LDLRAD2: variants seen among roughly 807,000 people sequenced by gnomAD.
LDLRAD2 encodes the protein low-density lipoprotein receptor class A domain-containing protein 2.
LDLRAD2 carries 25 observed loss-of-function variants against 24.9 expected under a neutral mutation model. That is an observed-to-expected ratio of 1.00 (90% CI 0.73 to 1.40). The LOEUF is 1.40. Ranked by LOEUF, LDLRAD2 falls within the 40% of genes most tolerant of loss-of-function variation. LDLRAD2 has a pLI of 0.00. For synonymous variants in LDLRAD2, 182 were observed against 166.7 expected (o/e 1.09, Z -0.71); for missense variants, 391 against 366.2 (o/e 1.07, Z -0.55).
rs148280509 is a variant in LDLRAD2 at position 21,815,980 on chromosome 1, G to T, written c.549G>T (p.Arg183Ser). 5 of 1,613,982 alleles carry T rather than the reference G, an allele frequency of 3.1e-6. No homozygotes were observed. The highest frequency in any genetic ancestry group is 4.2e-6 in the Non-Finnish European group (5 of 1,180,006). The change falls in exon 3 of 5, where the codon AGG becomes AGT. Residue 183 changes from arginine to serine, a missense_variant. Arg to Ser is a moderately radical substitution (Grantham distance 110). Coordinates refer to ENST00000344642, the MANE Select transcript of LDLRAD2 (RefSeq NM_001013693.3). ...CCTACTTCCGCTGCCAGAATGGCAGGTGCATCCCCTCAAGCCTCGTGTGTG... is the reference window on the plus strand; with the variant it reads ...CCTACTTCCGCTGCCAGAATGGCAGTTGCATCCCCTCAAGCCTCGTGTGTG... The part of the protein sequence containing the change: ...CGAYFRCQNG[R>S]CIPSSLVCDP...
At position 21,823,993 on chromosome 1, in the gene LDLRAD2, T is replaced by A. The variant is rs1439684130; in HGVS notation, c.*1778T>A. 1.0e-6 allele frequency: 1 copy of A among 987,310 alleles called. No homozygotes were observed. Among genetic ancestry groups the A allele is most frequent in the Admixed American group, 2.0e-5 (1 of 49,960 alleles). The allele number at this position is 987,310 out of a possible 1,614,324, so 61.2% of individuals were successfully genotyped here. On this transcript the variant is annotated 3_prime_UTR_variant, in exon 5 of 5. Transcript: ENST00000344642. Reference sequence around the variant, plus strand: ...AGCCCGAGCCCTGGCTGGTGGGTTCTCCCCTCCCCTGGCTTCAAGTTCTGT... The same window carrying A: ...AGCCCGAGCCCTGGCTGGTGGGTTCACCCCTCCCCTGGCTTCAAGTTCTGT...
intron 1 of LDLRAD2, among the ~76,000 whole-genome samples, chr1:21,813,331 AC>A (rs2097940436): frequency 6.6e-6 from 1 of 151,876 alleles, no homozygotes; most frequent in Admixed American, 6.6e-5. Flanking sequence ...CAATTCCCTT[AC>A]TCTCTAAACT....
In LDLRAD2 at chr1:21,824,370, C is replaced by T. The variant is rs1383334331; in HGVS notation, c.*2155C>T. On this transcript the variant is annotated 3_prime_UTR_variant, in exon 5 of 5. Transcript: ENST00000344642. The surrounding 1 kb of genome is among the most constrained non-coding windows in gnomAD (Gnocchi z 5.9). ...AAGTCCTTGCCTTGGCCGGCCTCTCCCACCTCCTGCCAGGGAAGCACAGGG... is the reference window on the plus strand; with the variant it reads ...AAGTCCTTGCCTTGGCCGGCCTCTCTCACCTCCTGCCAGGGAAGCACAGGG... 3.7e-6 allele frequency: 6 copies of T among 1,613,752 alleles called. No individual in the cohort carries two copies. Among genetic ancestry groups the T allele is most frequent in the Non-Finnish European group, 4.2e-6 (5 of 1,180,016 alleles).
rs1003107763 is a variant in LDLRAD2, at chr1:21,824,287, G to A, written c.*2072G>A. The A allele has an allele frequency of 1.2e-6, 2 of 1,613,198 alleles. No individual in the cohort carries two copies. Among genetic ancestry groups the A allele is most frequent in the African/African-American group, 2.7e-5 (2 of 74,922 alleles). ...TGGGACCAGGGAAGGGAGAGGAAGG[G>A]CCAGGTGCCAGGACCTACCTGAAGA... On this transcript the variant is annotated 3_prime_UTR_variant, in exon 5 of 5. Transcript: ENST00000344642. The surrounding 1 kb of genome is among the most constrained non-coding windows in gnomAD (Gnocchi z 5.9).
intron 3 of LDLRAD2, among the ~76,000 whole-genome samples, chr1:21,820,177 T>C (rs1330659824): frequency 6.6e-6 from 1 of 152,258 alleles, no homozygotes; most frequent in Non-Finnish European, 1.5e-5. Flanking sequence ...ATATATTTAA[T>C]GCCACTGAAC....
In LDLRAD2 at chr1:21,824,079, G is replaced by A; in HGVS notation, c.*1864G>A. ...GTAGGGGGCGTCCTGCCCCACTCCAGAACGCTGGGCCCCATCCCGAGTGCC... is the reference window on the plus strand; with the variant it reads ...GTAGGGGGCGTCCTGCCCCACTCCAAAACGCTGGGCCCCATCCCGAGTGCC... On this transcript the variant is annotated 3_prime_UTR_variant, in exon 5 of 5. Coordinates refer to ENST00000344642, the MANE Select transcript of LDLRAD2 (RefSeq NM_001013693.3). The surrounding 1 kb of genome is among the most constrained non-coding windows in gnomAD (Gnocchi z 5.9). 6.4e-7 allele frequency: 1 copy of A among 1,568,198 alleles called. No homozygotes were observed.
chr1:21,821,298 C>G (rs1303016443), intron 3 of LDLRAD2, 152 bp from the exon 4 acceptor site: 2 of 957,164 alleles, frequency 2.1e-6, no homozygotes, highest in African/African-American at 1.6e-5. Flanking sequence ...CCTATCACTT[C>G]CAGCTAATTG....
Position 21,823,905 on chromosome 1 carries a change from C to G in LDLRAD2, c.*1690C>G, listed in dbSNP as rs1193675955. The stretch of plus-strand genomic sequence containing the variant: ...CAAACACAGCTTCCTCATTTCTGCA[C>G]CCAGGTTTCCTCCCACTCCTGGGGC... On this transcript the variant is annotated 3_prime_UTR_variant, in exon 5 of 5. Transcript: ENST00000344642. 1 of 722,926 alleles carries G rather than the reference C, an allele frequency of 1.4e-6. No individual in the cohort carries two copies. The highest frequency in any genetic ancestry group is 1.7e-5 in the African/African-American group (1 of 57,186). The allele number at this position is 722,926 out of a possible 1,614,324, so 44.8% of individuals were successfully genotyped here.
Position 21,824,997 on chromosome 1 carries a change from T to A in LDLRAD2, c.*2782T>A, listed in dbSNP as rs1332873569. On this transcript the variant is annotated 3_prime_UTR_variant, in exon 5 of 5. Transcript: ENST00000344642. This position sits in a 1 kb window ranked among gnomAD's most constrained non-coding sequence, Gnocchi z 5.9. ...CAATTTCACTCACTTCTCACTGAAA[T>A]TGAGCAGTTCTTTCAATGAGATGTA... 2 of 594,208 alleles carry A rather than the reference T, an allele frequency of 3.4e-6. No individual in the cohort carries two copies. The highest frequency in any genetic ancestry group is 6.1e-6 in the Non-Finnish European group (2 of 328,554). 36.8% of individuals were successfully genotyped at this position (594,208 alleles called of 1,614,324 possible). A position where few individuals can be genotyped will look rare whatever the true frequency, so the allele number is the denominator to read the frequency against.
In LDLRAD2 at chr1:21,823,033, G is replaced by C; in HGVS notation, c.*818G>C. ...CCATCGGTGGGTAGGGGGACAGTGG[G>C]GGCAGTTCTGGGCCCACCCAGCCAC... On this transcript the variant is annotated 3_prime_UTR_variant, in exon 5 of 5. Coordinates refer to ENST00000344642, the MANE Select transcript of LDLRAD2 (RefSeq NM_001013693.3). The C allele has an allele frequency of 3.0e-6, 1 of 333,706 alleles. No individual in the cohort carries two copies. The highest frequency in any genetic ancestry group is 5.4e-6 in the Non-Finnish European group (1 of 185,020). 20.7% of individuals were successfully genotyped at this position (333,706 alleles called of 1,614,324 possible).
intron 3 of LDLRAD2, among the ~76,000 whole-genome samples, chr1:21,818,283 A>G (rs925979417): frequency 2.0e-5 from 3 of 152,158 alleles, no homozygotes; most frequent in African/African-American, 7.2e-5. Context: ...AAGTGCTGGG[A>G]TTACAGGCGT....
chr1:21,823,345 C>T lies in LDLRAD2; in HGVS notation c.*1130C>T, dbSNP rs554059442. 41 of 1,542,780 alleles carry T rather than the reference C, an allele frequency of 2.7e-5. No individual in the cohort carries two copies. In the East Asian group the frequency reaches 5.8e-4, roughly 22 times the overall value. On this transcript the variant is annotated 3_prime_UTR_variant, in exon 5 of 5. Transcript: ENST00000344642. Reference sequence around the variant, plus strand: ...GAGGGGCAGGGGCGTGTGTTGGCCCCGGCCTGGGCGCGGTGCTGCAGGTCC... The same window carrying T: ...GAGGGGCAGGGGCGTGTGTTGGCCCTGGCCTGGGCGCGGTGCTGCAGGTCC...
intron 4 of LDLRAD2, chr1:21,821,851 C>T: frequency 7.0e-7 from 1 of 1,427,018 alleles, no homozygotes; most frequent in Admixed American, 2.9e-5. Flanking sequence ...CCCGTGGCCT[C>T]TGCCTCCACT....
At chr1:21,813,872 TC>T (rs954014198) in intron 1 of LDLRAD2, among the ~76,000 whole-genome samples, 10 of 75,626 alleles carry the variant, frequency 1.3e-4, no homozygotes, top group African/African-American at 4.0e-5. Flanking sequence ...GCTCTCCCCC[TC>T]CCCTTTTTTT....
rs942908648 is a variant in LDLRAD2 at position 21,825,067 on chromosome 1, C to A, written c.*2852C>A. Reference sequence around the variant, plus strand: ...AGTGGTAGGACCTGCAACTTTGTTACTAGTATTTGCTTATCACATGACAGT... The same window carrying A: ...AGTGGTAGGACCTGCAACTTTGTTAATAGTATTTGCTTATCACATGACAGT... On this transcript the variant is annotated 3_prime_UTR_variant, in exon 5 of 5. Coordinates refer to ENST00000344642, the MANE Select transcript of LDLRAD2 (RefSeq NM_001013693.3). 1.3e-5 allele frequency: 6 copies of A among 479,556 alleles called. No individual in the cohort carries two copies. Among genetic ancestry groups the A allele is most frequent in the Non-Finnish European group, 2.3e-5 (6 of 260,054 alleles). The allele number at this position is 479,556 out of a possible 1,614,324, so 29.7% of individuals were successfully genotyped here. A position where few individuals can be genotyped will look rare whatever the true frequency, so the allele number is the denominator to read the frequency against.
In LDLRAD2 at chr1:21,814,758, G is replaced by C. The variant is rs751993242; in HGVS notation, c.446G>C (p.Arg149Pro). The change falls in exon 2 of 5, where the codon CGC becomes CCC. Residue 149 changes from arginine to proline, a missense_variant. Physicochemically the swap from Arg to Pro is moderately radical, Grantham distance 103 (BLOSUM62 -2). Transcript: ENST00000344642. The part of the protein sequence containing the change: ...VASSGPFLGL[R>P]LVTRGRQPRV... ...TCCTCCGGACCCTTTCTAGGCCTGC[G>C]CCTGGTCACGAGAGGCCGCCAGCCC... 6.6e-7 allele frequency: 1 copy of C among 1,508,734 alleles called. No homozygotes were observed. The highest frequency in any genetic ancestry group is 1.3e-5 in the South Asian group (1 of 77,972). 93.5% of individuals were successfully genotyped at this position (1,508,734 alleles called of 1,614,324 possible). A position where few individuals can be genotyped will look rare whatever the true frequency, so the allele number is the denominator to read the frequency against.
At position 21,812,449 on chromosome 1, in the gene LDLRAD2, T is replaced by C; in HGVS notation, c.-3T>C. 10 of 1,613,772 alleles carry C rather than the reference T, an allele frequency of 6.2e-6. No individual in the cohort carries two copies. Among genetic ancestry groups the C allele is most frequent in the Non-Finnish European group, 7.6e-6 (9 of 1,179,712 alleles). On this transcript the variant is annotated 5_prime_UTR_variant, in exon 1 of 5. Coordinates refer to ENST00000344642, the MANE Select transcript of LDLRAD2 (RefSeq NM_001013693.3). ...CCCCATTGCTGGGCACAGCAGAGCC[T>C]GGATGGAGGCTTGTTGTCTTCTGCA... is the stretch of plus-strand genomic sequence containing the variant.
intron 3 of LDLRAD2, among the ~76,000 whole-genome samples, chr1:21,818,024 A>C (rs184583553): frequency 2.1e-3 from 320 of 151,816 alleles, no homozygotes; most frequent in Non-Finnish European, 2.7e-3. Flanking sequence ...TTACAGGTGC[A>C]CACCACCACG....
intron 3 of LDLRAD2, among the ~76,000 whole-genome samples, chr1:21,820,147 C>G (rs1367410394): frequency 6.6e-6 from 1 of 152,212 alleles, no homozygotes; most frequent in Non-Finnish European, 1.5e-5. Flanking sequence ...GGTGGGAACA[C>G]AGATCCAAAC....
Sources: allele counts gnomAD v4.1 joint callset (sites outside exome capture counted in the v4.1 genomes callset), GRCh38; gene constraint gnomAD v4.1.1; non-coding constraint Gnocchi (gnomAD v3.1); transcripts MANE v1.5; gene names NCBI Gene and HGNC (gene_info 2026-07-23, HGNC 2026-07-21).